Variants in MECOM observed in about 807,000 individuals in gnomAD.
MECOM encodes histone-lysine N-methyltransferase MECOM.
In MECOM, 13 loss-of-function variants were observed where a neutral mutation model predicts 116.3. That is an observed-to-expected ratio of 0.11 (90% confidence interval 0.07 to 0.18). The LOEUF is 0.18. Among genes scored for constraint, MECOM ranks in the 10% least tolerant of loss-of-function variants. The pLI, the probability that MECOM is intolerant of heterozygous loss-of-function variation, is 1.00. For synonymous variants in MECOM, 528 were observed against 535.2 expected, an observed-to-expected ratio of 0.99 and a Z score of 0.19; for missense variants, 1,299 against 1,509.0, an observed-to-expected ratio of 0.86 and a Z score of 2.31.
chr3:169,661,181 C>A (rs1233542993), intron 1 of MECOM, among the ~76,000 whole-genome samples: 1 of 152,136 alleles, frequency 6.6e-6, no homozygotes, highest in East Asian at 1.9e-4. Context: ...GTTTTGTGTT[C>A]TGCTTTCACT....
intron 1 of MECOM, among the ~76,000 whole-genome samples, chr3:169,584,425 C>T (rs907701386): frequency 1.5e-4 from 23 of 151,492 alleles, no homozygotes; most frequent in South Asian, 4.2e-4. Flanking sequence ...ATTAGCCGGG[C>T]GTGGTGGCGA....
intron 1 of MECOM, among the ~76,000 whole-genome samples, chr3:169,487,421 T>A (rs1752523329): frequency 6.6e-6 from 1 of 152,098 alleles, no homozygotes; most frequent in African/African-American, 2.4e-5. Context: ...TGATCTACAG[T>A]GTTTCCATAT....
chr3:169,099,386 G>A (rs1362088937), intron 12 of MECOM, among the ~76,000 whole-genome samples: 1 of 152,036 alleles, frequency 6.6e-6, no homozygotes, highest in Non-Finnish European at 1.5e-5. Flanking sequence ...TTCTCAAAAG[G>A]GGAAATCATC....
intron 2 of MECOM, among the ~76,000 whole-genome samples, chr3:169,314,666 A>G (rs941611612): frequency 1.3e-5 from 2 of 152,178 alleles, no homozygotes; most frequent in African/African-American, 4.8e-5. Context: ...AAGAAAGAAG[A>G]GAATAAAACA....
chr3:169,629,539 C>T (rs909492197), intron 1 of MECOM, among the ~76,000 whole-genome samples: 1 of 152,134 alleles, frequency 6.6e-6, no homozygotes, highest in Non-Finnish European at 1.5e-5. Context: ...AACAACTCTA[C>T]TCCCCAGCCG....
chr3:169,420,166 G>A (rs1049074597), intron 1 of MECOM, among the ~76,000 whole-genome samples: 1 of 152,164 alleles, frequency 6.6e-6, no homozygotes, highest in Admixed American at 6.6e-5. Flanking sequence ...TGGTGGGAGT[G>A]TAAATTAGTT....
intron 2 of MECOM, among the ~76,000 whole-genome samples, chr3:169,190,672 C>G (rs969447779): frequency 2.6e-5 from 4 of 151,986 alleles, no homozygotes; most frequent in African/African-American, 9.7e-5. Context: ...TTTGAACAGA[C>G]ATTTTTGTCT....
intron 1 of MECOM, among the ~76,000 whole-genome samples, chr3:169,388,886 C>G (rs1312356106): frequency 6.6e-6 from 1 of 152,100 alleles, no homozygotes; most frequent in Non-Finnish European, 1.5e-5. Flanking sequence ...CCTTATGGAA[C>G]TTTTCCCCAG....
chr3:169,565,366 G>C (rs1047853561), intron 1 of MECOM, among the ~76,000 whole-genome samples: 3 of 152,174 alleles, frequency 2.0e-5, no homozygotes, highest in African/African-American at 7.2e-5. Context: ...ACGCAGTCTA[G>C]GGTGAACCAA....
At chr3:169,120,565 T>A (rs1359169450) in intron 7 of MECOM, among the ~76,000 whole-genome samples, 1 of 152,150 alleles carries the variant, frequency 6.6e-6, no homozygotes, top group African/African-American at 2.4e-5. Flanking sequence ...TAAAAAGCAT[T>A]TCATCCCCCT....
intron 2 of MECOM, among the ~76,000 whole-genome samples, chr3:169,245,961 G>A (rs1402935929): frequency 2.0e-5 from 3 of 152,098 alleles, no homozygotes; most frequent in Admixed American, 2.0e-4. Flanking sequence ...TGTCTGCCAA[G>A]CCTTTTTTTT....
At chr3:169,461,586 C>T (rs967036913) in intron 1 of MECOM, among the ~76,000 whole-genome samples, 19 of 152,114 alleles carry the variant, frequency 1.2e-4, no homozygotes, top group African/African-American at 4.3e-4. Context: ...TACCACATTT[C>T]CAGCAGTTCT....
intron 2 of MECOM, among the ~76,000 whole-genome samples, chr3:169,353,575 T>G (rs1264388594): frequency 6.6e-6 from 1 of 151,750 alleles, no homozygotes. Context: ...CTAAGTAAAA[T>G]TCAGAATCTT....
At chr3:169,551,634 C>G (rs890655616) in intron 1 of MECOM, among the ~76,000 whole-genome samples, 3 of 152,166 alleles carry the variant, frequency 2.0e-5, no homozygotes, top group Admixed American at 1.3e-4. Flanking sequence ...GCTCACTTTT[C>G]AAGACACTTT....
intron 2 of MECOM, among the ~76,000 whole-genome samples, chr3:169,261,970 T>C (rs1363203879): frequency 3.9e-5 from 6 of 152,204 alleles, no homozygotes; most frequent in Admixed American, 6.5e-5. Flanking sequence ...CCCTAGTCTT[T>C]GCAGGAAAAA....
intron 2 of MECOM, among the ~76,000 whole-genome samples, chr3:169,323,460 C>T (rs548326300): frequency 5.9e-5 from 9 of 152,190 alleles, no homozygotes; most frequent in African/African-American, 2.2e-4. Flanking sequence ...GGCATTTGGA[C>T]GGCCTATGAA....
At chr3:169,451,606 G>C (rs994886000) in intron 1 of MECOM, among the ~76,000 whole-genome samples, 1 of 152,088 alleles carries the variant, frequency 6.6e-6, no homozygotes, top group African/African-American at 2.4e-5. Context: ...AGAAGTTCCA[G>C]ATAGTGAGGG....
intron 1 of MECOM, among the ~76,000 whole-genome samples, chr3:169,655,722 G>T (rs1775461867): frequency 6.6e-6 from 1 of 152,032 alleles, no homozygotes. Context: ...CATACAAAAT[G>T]CTTACCGTAG....
chr3:169,132,192 G>T (rs1340969539), intron 3 of MECOM, among the ~76,000 whole-genome samples: 1 of 152,190 alleles, frequency 6.6e-6, no homozygotes, highest in Non-Finnish European at 1.5e-5. Context: ...TATTGGGGTG[G>T]TGGGGGTGGT....
Sources: allele counts gnomAD v4.1 joint callset (sites outside exome capture counted in the v4.1 genomes callset), GRCh38; gene constraint gnomAD v4.1.1; transcripts MANE v1.5; gene names NCBI Gene and HGNC (gene_info 2026-07-23, HGNC 2026-07-21).